AUTS2: variants seen among roughly 807,000 people sequenced by gnomAD.
AUTS2 encodes activator of transcription and developmental regulator AUTS2.
A neutral mutation model predicts 112.4 loss-of-function variants in AUTS2; 17 were observed. The observed-to-expected ratio is 0.15, with a 90% CI of 0.10 to 0.23. The LOEUF (loss-of-function observed/expected upper bound fraction) is 0.23. Ranked by LOEUF, AUTS2 falls within the 10% of genes least tolerant of loss-of-function variation. The pLI is 1.00. For synonymous variants in AUTS2, 751 were observed against 702.7 expected (o/e 1.07, Z -1.09); for missense variants, 1,510 against 1,701.6 (o/e 0.89, Z 1.98).
chr7:69,599,767 C>G lies in AUTS2; in HGVS notation c.114C>G (p.Gly38=), dbSNP rs1321602001. Residue 38 remains glycine (G), a synonymous_variant, in exon 1 of 19, where the codon GGC becomes GGG. Transcript: ENST00000342771. This position sits in a 1 kb window ranked among gnomAD's most constrained non-coding sequence, Gnocchi z 7.0. The stretch of plus-strand genomic sequence containing the variant: ...TGGGGGCCGGCGCGGCCGGCGGCGG[C>G]GGGGCTGGCCGGACCCGGGCGCTCT... ...GGLGAGAAGG[G]GAGRTRALSL... is the part of the protein sequence containing the mutation. 1 of 1,395,644 alleles carries G rather than the reference C, an allele frequency of 7.2e-7. No homozygotes were observed. Among genetic ancestry groups the G allele is most frequent in the Non-Finnish European group, 9.3e-7 (1 of 1,077,328 alleles). The allele number at this position is 1,395,644 out of a possible 1,614,324, so 86.5% of individuals were successfully genotyped here.
chr7:70,461,221 T>C lies in AUTS2; in HGVS notation c.690+25440T>C, dbSNP rs190356874. Among the ~76,000 whole-genome samples, 10 of 152,304 alleles carry C rather than the reference T, an allele frequency of 6.6e-5. No homozygotes were observed. The East Asian group carries it at 1.7e-3, about 26-fold the overall frequency. ...GGGCAGAAAAAAGGAACTCTTTATTTTTCAAGTGGCATCATGGCTATCACA... is the reference window on the plus strand; with the variant it reads ...GGGCAGAAAAAAGGAACTCTTTATTCTTCAAGTGGCATCATGGCTATCACA... On this transcript the variant is annotated intron_variant, in intron 5 of 18. Coordinates refer to ENST00000342771, the MANE Select transcript of AUTS2 (RefSeq NM_015570.4).
At chr7:70,597,872 T>C (rs1803282433) in intron 5 of AUTS2, among the ~76,000 whole-genome samples, 1 of 152,172 alleles carries the variant, frequency 6.6e-6, no homozygotes, top group South Asian at 2.1e-4. Context: ...TTTTTCTTGC[T>C]TACACGAGGT....
intron 2 of AUTS2, among the ~76,000 whole-genome samples, chr7:70,055,613 C>G (rs1303325861): frequency 6.6e-6 from 1 of 152,162 alleles, no homozygotes; most frequent in African/African-American, 2.4e-5. Context: ...CAGACAGAAG[C>G]AGTGGTCAGT....
At chr7:70,432,225 G>A (rs972664001) in intron 4 of AUTS2, among the ~76,000 whole-genome samples, 7 of 152,172 alleles carry the variant, frequency 4.6e-5, no homozygotes. Context: ...CCGCTGGGAC[G>A]CCGTCTCTGC....
chr7:69,739,013 G>GCT (rs1260301803), intron 1 of AUTS2, among the ~76,000 whole-genome samples: 1 of 152,120 alleles, frequency 6.6e-6, no homozygotes, highest in Non-Finnish European at 1.5e-5. Flanking sequence ...TGGACTGTTA[G>GCT]CTTTCTAAGA....
chr7:70,057,652 T>A lies in AUTS2; in HGVS notation c.523-60480T>A, dbSNP rs376973669. Among the ~76,000 whole-genome samples the A allele has an allele frequency of 4.3e-4, 66 of 152,346 alleles. 2 individuals are homozygous for A. In the South Asian group the frequency reaches 0.013, roughly 31 times the overall value. ...AATCTACCCACCAAATTGTGGACTG[T>A]GTTTTCTGTATCTCTTATCAAAGCT... is the stretch of plus-strand genomic sequence containing the variant. On this transcript the variant is annotated intron_variant, in intron 2 of 18. Transcript: ENST00000342771.
chr7:70,578,275 A>G (rs1802266372), intron 5 of AUTS2, among the ~76,000 whole-genome samples: 1 of 152,232 alleles, frequency 6.6e-6, no homozygotes, highest in South Asian at 2.1e-4. Flanking sequence ...TTGTCCTGCT[A>G]TCTATGGTTT....
At chr7:70,632,819 C>T (rs916496214) in intron 5 of AUTS2, among the ~76,000 whole-genome samples, 6 of 152,106 alleles carry the variant, frequency 3.9e-5, no homozygotes, top group South Asian at 2.1e-4. Context: ...AGCAAACAGA[C>T]TTCTGTGGGC....
At chr7:69,835,899 G>A (rs1377676782) in intron 1 of AUTS2, among the ~76,000 whole-genome samples, 1 of 152,184 alleles carries the variant, frequency 6.6e-6, no homozygotes, top group African/African-American at 2.4e-5. Context: ...ATTGGGAAGA[G>A]GGTGAAGAGG....
intron 4 of AUTS2, among the ~76,000 whole-genome samples, chr7:70,150,405 A>G (rs982754409): frequency 2.0e-5 from 3 of 152,180 alleles, no homozygotes; most frequent in African/African-American, 7.2e-5. Context: ...AATTTCAGCC[A>G]TAGGTCAAGA....
intron 4 of AUTS2, among the ~76,000 whole-genome samples, chr7:70,428,566 T>C (rs1397347278): frequency 1.3e-5 from 2 of 152,212 alleles, no homozygotes; most frequent in Non-Finnish European, 2.9e-5. Context: ...TGATGTTAGA[T>C]ATTGTAGTTT....
chr7:69,798,347 C>T (rs550946313), intron 1 of AUTS2, among the ~76,000 whole-genome samples: 2 of 152,118 alleles, frequency 1.3e-5, no homozygotes, highest in African/African-American at 4.8e-5. Flanking sequence ...GCTCTCCTTG[C>T]GATTTGCCTT....
At chr7:70,583,300 C>T (rs952149285) in intron 5 of AUTS2, among the ~76,000 whole-genome samples, 8 of 152,148 alleles carry the variant, frequency 5.3e-5, no homozygotes, top group African/African-American at 1.7e-4. Context: ...AATTGATAAT[C>T]GCATGGCAGC....
At position 69,732,187 on chromosome 7, in the gene AUTS2, C is replaced by G. The variant is rs1786826741; in HGVS notation, c.309+132225C>G. On this transcript the variant is annotated intron_variant, in intron 1 of 18. Coordinates refer to ENST00000342771, the MANE Select transcript of AUTS2 (RefSeq NM_015570.4). Reference sequence around the variant, plus strand: ...GGGTGCTGTGCCAGGCTAATTAATACTTTGGTACCTTGCCTTTAAAGTACT... The same window carrying G: ...GGGTGCTGTGCCAGGCTAATTAATAGTTTGGTACCTTGCCTTTAAAGTACT... Among the ~76,000 whole-genome samples the G allele has an allele frequency of 2.0e-5, 3 of 152,170 alleles. 1 individual carries two copies. In the South Asian group the frequency reaches 6.2e-4, roughly 32 times the overall value.
intron 5 of AUTS2, among the ~76,000 whole-genome samples, chr7:70,606,467 G>A (rs922685942): frequency 1.1e-4 from 17 of 152,200 alleles, no homozygotes; most frequent in Non-Finnish European, 1.5e-4. Flanking sequence ...TTTGTTAGCA[G>A]CCGGGGATAC....
At chr7:69,972,158 C>T (rs1255004770) in intron 2 of AUTS2, among the ~76,000 whole-genome samples, 1 of 152,050 alleles carries the variant, frequency 6.6e-6, no homozygotes, top group Non-Finnish European at 1.5e-5. Flanking sequence ...CTGATGGTGT[C>T]CAGTGATGGG....
chr7:69,985,894 T>TC (rs1798493652), intron 2 of AUTS2, among the ~76,000 whole-genome samples: 1 of 152,104 alleles, frequency 6.6e-6, no homozygotes, highest in Non-Finnish European at 1.5e-5. Context: ...TAGCTAAGAC[T>TC]ACAGGCACGT....
intron 4 of AUTS2, among the ~76,000 whole-genome samples, chr7:70,215,180 G>T (rs2129589676): frequency 6.6e-6 from 1 of 152,282 alleles, no homozygotes; most frequent in East Asian, 1.9e-4. Flanking sequence ...TACTCAGGAG[G>T]CTGAGAGGAG....
chr7:69,931,523 G>A (rs892544353), intron 2 of AUTS2, among the ~76,000 whole-genome samples: 24 of 152,254 alleles, frequency 1.6e-4, no homozygotes, highest in African/African-American at 5.3e-4. Flanking sequence ...CTGTTCTGCT[G>A]TATTCATTGT....
Sources: gnomAD v4.1 joint callset for allele counts (sites outside exome capture counted in the v4.1 genomes callset) on GRCh38, gnomAD v4.1.1 for gene constraint, Gnocchi (gnomAD v3.1) non-coding constraint, MANE v1.5 for transcripts, NCBI Gene and HGNC (gene_info 2026-07-23, HGNC 2026-07-21) for gene names.